Variants in RELL1 observed in about 807,000 individuals in gnomAD.
RELL1 encodes the protein RELT like 1.
Under a neutral mutation model 23.0 loss-of-function variants are expected in RELL1, and 10 were observed. The ratio of observed to expected loss-of-function variants is 0.43; its 90% CI spans 0.27 to 0.74. RELL1 has a LOEUF of 0.74. Among genes scored for constraint, RELL1 ranks in the 30% least tolerant of loss-of-function variants. RELL1 has a pLI of 0.19. For missense variants in RELL1, 315 were observed against 364.4 expected (o/e 0.86, Z 1.10); for synonymous variants, 146 against 146.8 (o/e 0.99, Z 0.04).
downstream of RELL1, among the ~76,000 whole-genome samples, chr4:37,606,195 A>G (rs1719217313): frequency 8.6e-6 from 1 of 116,172 alleles, no homozygotes; most frequent in Admixed American, 8.5e-5. The surrounding 1 kb of genome is among the most constrained non-coding windows in gnomAD (Gnocchi z 4.1). Flanking sequence ...AAGAAAGAGA[A>G]AGAAGAAAGA....
downstream of RELL1, chr4:37,590,202 C>A: frequency 6.2e-7 from 1 of 1,614,206 alleles, no homozygotes; most frequent in Non-Finnish European, 8.5e-7. Context: ...GCAGTGAAGT[C>A]TTGGTGCAGA....
intron 6 of RELL1, among the ~76,000 whole-genome samples, chr4:37,597,022 A>T (rs1042999351): frequency 6.6e-6 from 1 of 151,798 alleles, no homozygotes; most frequent in African/African-American, 2.4e-5. Flanking sequence ...TGCTGGGATT[A>T]CAGGCGTGAG....
chr4:37,650,815 G>T (rs925491966), intron 1 of RELL1, among the ~76,000 whole-genome samples: 10 of 129,438 alleles, frequency 7.7e-5, no homozygotes, highest in African/African-American at 2.9e-4. Flanking sequence ...GGAGGCTGAA[G>T]GGGGTGGGGG....
In RELL1 at chr4:37,686,270, G is replaced by A. The variant is rs917981170; in HGVS notation, c.18C>T (p.Leu6=). The change falls in exon 1 of 7, where the codon CTC becomes CTT. Residue 6 remains leucine (L), a synonymous_variant. Transcript: ENST00000454158. ...CAGCGGCTAGGACGGCGGACCCCGG[G>A]AGTGCCCGCGGAGCCATCGCCGCGT... MAPRA[L]PGSAVLAAAV... 1.3e-6 allele frequency: 2 copies of A among 1,546,902 alleles called. No individual in the cohort carries two copies. Among genetic ancestry groups the A allele is most frequent in the African/African-American group, 1.4e-5 (1 of 70,606 alleles).
intron 6 of RELL1, among the ~76,000 whole-genome samples, chr4:37,594,512 A>C (rs923922218): frequency 6.6e-6 from 1 of 152,174 alleles, no homozygotes; most frequent in South Asian, 2.1e-4. Flanking sequence ...TATTTTATGT[A>C]TATATTACAT....
chr4:37,662,921 A>G (rs771882503), intron 1 of RELL1, among the ~76,000 whole-genome samples: 11 of 152,134 alleles, frequency 7.2e-5, no homozygotes, highest in Non-Finnish European at 1.3e-4. Context: ...GATACAACAG[A>G]AGGCTCATCT....
At chr4:37,592,125 C>T (rs1384479397) in intron 6 of RELL1, among the ~76,000 whole-genome samples, 1 of 150,398 alleles carries the variant, frequency 6.6e-6, no homozygotes, top group Non-Finnish European at 1.5e-5. Flanking sequence ...AGGAGAATCA[C>T]TTGAACCTGG....
intron 1 of RELL1, among the ~76,000 whole-genome samples, chr4:37,682,737 A>T (rs1057514252): frequency 1.3e-5 from 2 of 152,236 alleles, no homozygotes; most frequent in African/African-American, 2.4e-5. Context: ...CTTCGCAGCT[A>T]CCTGGCTAAG....
At chr4:37,661,829 A>C (rs2109298529) in intron 1 of RELL1, among the ~76,000 whole-genome samples, 1 of 152,354 alleles carries the variant, frequency 6.6e-6, no homozygotes, top group Admixed American at 6.5e-5. Context: ...ACTGTAAGTC[A>C]GTATATAAAT....
At chr4:37,649,885 A>G (rs943621441) in intron 1 of RELL1, among the ~76,000 whole-genome samples, 1 of 152,222 alleles carries the variant, frequency 6.6e-6, no homozygotes, top group African/African-American at 2.4e-5. Context: ...AATATTACAT[A>G]AACACTACAT....
At chr4:37,639,021 A>G (rs1005500035) in intron 3 of RELL1, among the ~76,000 whole-genome samples, 1 of 152,172 alleles carries the variant, frequency 6.6e-6, no homozygotes, top group Non-Finnish European at 1.5e-5. Context: ...CGATTCAGGG[A>G]TGAGAGAAGG....
intron 6 of RELL1, among the ~76,000 whole-genome samples, chr4:37,620,268 C>A (rs554393565): frequency 6.6e-6 from 1 of 152,254 alleles, no homozygotes; most frequent in East Asian, 1.9e-4. Context: ...AGTTTTGAAT[C>A]TTCTGACATT....
At chr4:37,667,470 T>A (rs993770229) in intron 1 of RELL1, among the ~76,000 whole-genome samples, 8 of 147,384 alleles carry the variant, frequency 5.4e-5, no homozygotes, top group Non-Finnish European at 1.2e-4. Flanking sequence ...AACTCCACAC[T>A]CTGCTCCATT....
rs566672057 is a variant in RELL1, at chr4:37,611,971, C to T, written c.*1375G>A. ...CGGGTGGATCACGAGGTCAGGAGAT[C>T]GAGACCATCTTCGCTAATGCGGTGA... On this transcript the variant is annotated 3_prime_UTR_variant, in exon 7 of 7. Coordinates refer to ENST00000454158, the MANE Select transcript of RELL1 (RefSeq NM_001085400.2). Among the ~76,000 whole-genome samples, 3 of 150,774 alleles carry T rather than the reference C, an allele frequency of 2.0e-5. No individual in the cohort carries two copies. Among genetic ancestry groups the T allele is most frequent in the South Asian group, 2.1e-4 (1 of 4,744 alleles).
intron 1 of RELL1, among the ~76,000 whole-genome samples, chr4:37,666,423 T>G (rs1161509448): frequency 1.3e-5 from 2 of 152,230 alleles, no homozygotes; most frequent in Admixed American, 1.3e-4. Context: ...TTAGCATCTC[T>G]GTGCCTCAGT....
chr4:37,635,620 GT>G (rs751445449), intron 4 of RELL1, among the ~76,000 whole-genome samples: 4 of 152,024 alleles, frequency 2.6e-5, no homozygotes, highest in Non-Finnish European at 2.9e-5. Flanking sequence ...AGTGAGACCT[GT>G]CTCTAGAAGA....
chr4:37,602,193 G>T (rs1719032576), intron 6 of RELL1, among the ~76,000 whole-genome samples: 1 of 145,940 alleles, frequency 6.9e-6, no homozygotes, highest in African/African-American at 2.6e-5. Context: ...TTCAAGCCTA[G>T]GTGACAGAGT....
In RELL1 at chr4:37,612,707, T is replaced by G. The variant is rs1158591481; in HGVS notation, c.*639A>C. On this transcript the variant is annotated 3_prime_UTR_variant, in exon 7 of 7. Coordinates refer to ENST00000454158, the MANE Select transcript of RELL1 (RefSeq NM_001085400.2). ...GGAGTGACATGGTGGTGGCAGGAGT[T>G]AATGCTGAATTTGTGGTCAAGGAAT... 6.6e-6 allele frequency among the ~76,000 whole-genome samples: 1 copy of G among 151,776 alleles called. No homozygotes were observed. The highest frequency in any genetic ancestry group is 1.5e-5 in the Non-Finnish European group (1 of 67,988).
At chr4:37,663,822 T>A (rs781040507) in intron 1 of RELL1, among the ~76,000 whole-genome samples, 1 of 152,102 alleles carries the variant, frequency 6.6e-6, no homozygotes, top group Non-Finnish European at 1.5e-5. Flanking sequence ...TGTTAAACTG[T>A]CACCAATGAA....
Sources: allele counts gnomAD v4.1 joint callset (sites outside exome capture counted in the v4.1 genomes callset), GRCh38; gene constraint gnomAD v4.1.1; non-coding constraint Gnocchi (gnomAD v3.1); transcripts MANE v1.5; gene names NCBI Gene and HGNC (gene_info 2026-07-23, HGNC 2026-07-21).